The following FBN3 variants were observed in gnomAD, a reference collection of about 807,000 sequenced individuals.
The protein encoded by FBN3 is fibrillin 3.
In FBN3, 234 loss-of-function variants were observed where a neutral mutation model predicts 330.1. That is an observed-to-expected ratio of 0.71 (90% CI 0.64 to 0.79). FBN3 has a LOEUF of 0.79. Among genes scored for constraint, FBN3 ranks in the 30% least tolerant of loss-of-function variants. FBN3 has a pLI of 0.00. For synonymous variants in FBN3, 1,458 were observed against 1,517.3 expected (o/e 0.96, Z 0.91); for missense variants, 3,606 against 3,886.9 (o/e 0.93, Z 1.92).
At chr19:8,136,141 GCCAGAACCC>G in intron 12 of FBN3, 40 bp downstream of exon 12, 1 of 1,612,546 alleles carries the variant, frequency 6.2e-7, no homozygotes, top group Non-Finnish European at 8.5e-7. Flanking sequence ...CCAAGCCTGG[GCCAGAACCC>G]CCAACAACAT....
Position 8,097,320 on chromosome 19 carries a change from G to T in FBN3, c.5256C>A (p.Phe1752Leu), listed in dbSNP as rs1293378608. The change falls in exon 42 of 64, where the codon TTC becomes TTA. Residue 1752 changes from phenylalanine to leucine, a missense_variant. Phe to Leu is a conservative substitution (Grantham distance 22). Coordinates refer to ENST00000600128, the MANE Select transcript of FBN3 (RefSeq NM_032447.5). ...GSFRCECPAG[F>L]NYNSILLACE... ...AAGCCAGCAGGATGCTGTTGTAGTT[G>T]AAGCCTGCGGGGCACTCGCAGCGGA... is the stretch of plus-strand genomic sequence containing the variant. The T allele has an allele frequency of 6.2e-7, 1 of 1,609,980 alleles. No homozygotes were observed. Among genetic ancestry groups the T allele is most frequent in the Non-Finnish European group, 8.5e-7 (1 of 1,177,278 alleles).
At chr19:8,140,235 G>T (rs568386602) in intron 8 of FBN3, among the ~76,000 whole-genome samples, 2 of 152,178 alleles carry the variant, frequency 1.3e-5, no homozygotes, top group South Asian at 4.2e-4. Flanking sequence ...AGGCTGAGGC[G>T]GGTGGATCAC....
At chr19:8,107,279 A>T (rs2082462797) in intron 37 of FBN3, among the ~76,000 whole-genome samples, 1 of 123,060 alleles carries the variant, frequency 8.1e-6, no homozygotes, top group Non-Finnish European at 1.6e-5. Context: ...GGACAGAAGG[A>T]GGGGGGATGG....
chr19:8,140,450 T>A (rs574810646), intron 8 of FBN3, among the ~76,000 whole-genome samples: 1 of 151,828 alleles, frequency 6.6e-6, no homozygotes, highest in African/African-American at 2.4e-5. Flanking sequence ...GGGGACAGAG[T>A]AAGAATGTGT....
intron 59 of FBN3, among the ~76,000 whole-genome samples, chr19:8,080,499 C>T (rs1207799500): frequency 1.3e-5 from 2 of 152,174 alleles, no homozygotes; most frequent in African/African-American, 2.4e-5. Context: ...GCGAGAGGGC[C>T]TCTCTCCTCC....
rs2082561903 is a variant in FBN3, at chr19:8,110,808, T to A, written c.4333+37A>T. The A allele has an allele frequency of 2.5e-6, 4 of 1,613,366 alleles. No homozygotes were observed. The South Asian group carries it at 4.4e-5, about 18-fold the overall frequency. Reference sequence around the variant, plus strand: ...CCATGTCCCCTGCCCCAACTCCTGCTCTCTCCTCTCCCCTTCCAGCCCAGA... The same window carrying A: ...CCATGTCCCCTGCCCCAACTCCTGCACTCTCCTCTCCCCTTCCAGCCCAGA... On this transcript the variant is annotated intron_variant, in intron 34 of 63. Transcript: ENST00000600128.
At chr19:8,070,616 G>T (rs2081490125) in intron 63 of FBN3, among the ~76,000 whole-genome samples, 1 of 152,212 alleles carries the variant, frequency 6.6e-6, no homozygotes, top group Admixed American at 6.5e-5. Context: ...GTAAAGAGAA[G>T]TCCACGTGCC....
rs1277988263 is a variant in FBN3 at position 8,104,054 on chromosome 19, G to C, written c.4814-367C>G. Among the ~76,000 whole-genome samples, 4 of 151,436 alleles carry C rather than the reference G, an allele frequency of 2.6e-5. No homozygotes were observed. In the East Asian group the frequency reaches 7.8e-4, roughly 29 times the overall value. ...TTGGGAGGATCACTTGAGTCCAGGA[G>C]GTTAAGGTTGCAGTGAGCCGTGATC... On this transcript the variant is annotated intron_variant, in intron 38 of 63. Coordinates refer to ENST00000600128, the MANE Select transcript of FBN3 (RefSeq NM_032447.5).
At position 8,097,343 on chromosome 19, in the gene FBN3, G is replaced by A. The variant is rs370002484; in HGVS notation, c.5233C>T (p.Arg1745Cys). 41 of 1,610,140 alleles carry A rather than the reference G, an allele frequency of 2.5e-5. No homozygotes were observed. The highest frequency in any genetic ancestry group is 3.1e-5 in the Non-Finnish European group (36 of 1,177,604). Residue 1745 changes from arginine (R) to cysteine (C), a missense_variant, in exon 42 of 64, where the codon CGC (arginine) becomes TGC (cysteine). Physicochemically the swap from Arg to Cys is radical, Grantham distance 180. Coordinates refer to ENST00000600128, the MANE Select transcript of FBN3 (RefSeq NM_032447.5). Reference sequence around the variant, plus strand: ...TTGAAGCCTGCGGGGCACTCGCAGCGGAAACTCCCGATCTGGTTTATGCAG... The same window carrying A: ...TTGAAGCCTGCGGGGCACTCGCAGCAGAAACTCCCGATCTGGTTTATGCAG... The part of the protein sequence containing the change: ...GICINQIGSF[R>C]CECPAGFNYN...
chr19:8,140,904 G>A (rs916899936), intron 8 of FBN3, among the ~76,000 whole-genome samples: 11 of 152,068 alleles, frequency 7.2e-5, no homozygotes, highest in Admixed American at 6.6e-5. Context: ...AAAGTCTGGA[G>A]TTGGCCAGCC....
chr19:8,075,255 C>G (rs1356157579), intron 60 of FBN3, 28 bp downstream of exon 60: 1 of 1,600,256 alleles, frequency 6.2e-7, no homozygotes. Context: ...CCCCCAAACA[C>G]TAGACCCCAG....
chr19:8,111,625 C>T, intron 32 of FBN3, 23 bp downstream of exon 32: 10 of 1,200,100 alleles, frequency 8.3e-6, no homozygotes, highest in South Asian at 1.2e-5. Context: ...AGGGCCCCTG[C>T]CCTCCCACCC....
chr19:8,085,225 A>ACACACACG lies in FBN3; in HGVS notation c.7087+137_7087+138insCGTGTGTG, dbSNP rs1277299743. ...CTCATATCTGCTAGCACAAAGACAC[A>ACACACACG]CACACACACACACACACACACACAC... On this transcript the variant is annotated intron_variant, in intron 56 of 63. Coordinates refer to ENST00000600128, the MANE Select transcript of FBN3 (RefSeq NM_032447.5). 11 of 395,328 alleles carry ACACACACG rather than the reference A, an allele frequency of 2.8e-5. No homozygotes were observed. The Admixed American group carries it at 3.8e-4, about 14-fold the overall frequency. 24.5% of individuals were successfully genotyped at this position (395,328 alleles called of 1,614,324 possible).
At chr19:8,102,988 C>A (rs941438578) in intron 39 of FBN3, 115 bp from the exon 40 acceptor site, 17 of 1,140,964 alleles carry the variant, frequency 1.5e-5, no homozygotes, top group Middle Eastern at 2.2e-4. Context: ...CTGGCTTGTC[C>A]AGGCACAGTG....
intron 36 of FBN3, among the ~76,000 whole-genome samples, chr19:8,108,821 G>C (rs2082508240): frequency 6.6e-6 from 1 of 152,106 alleles, no homozygotes; most frequent in Non-Finnish European, 1.5e-5. Context: ...CCTGAGCTAT[G>C]GGTATGCCTC....
Position 8,134,510 on chromosome 19 carries a change from C to T in FBN3, c.1592-1404G>A, listed in dbSNP as rs560162813. On this transcript the variant is annotated intron_variant, in intron 13 of 63. Transcript: ENST00000600128. ...GGGACATTGCTTGAGCCCCCCAGGG[C>T]CCCTCCCTGGGGTGTGGGAGGCAAA... Among the ~76,000 whole-genome samples, 9 of 152,200 alleles carry T rather than the reference C, an allele frequency of 5.9e-5. No individual in the cohort carries two copies. In the East Asian group the frequency reaches 1.7e-3, roughly 29 times the overall value.
chr19:8,073,235 C>G lies in FBN3; in HGVS notation c.7765G>C (p.Gly2589Arg), dbSNP rs1264663781. ...CGSASCRNTLGGFRCVCPSGF... is the reference protein window; with the variant it reads ...CGSASCRNTLRGFRCVCPSGF... Reference sequence around the variant, plus strand: ...GAGGGGCAGACGCAGCGGAAGCCACCAAGAGTGTTGCGACAGGAGGCGCTC... The same window carrying G: ...GAGGGGCAGACGCAGCGGAAGCCACGAAGAGTGTTGCGACAGGAGGCGCTC... Residue 2589 changes from glycine (G) to arginine (R), a missense_variant, in exon 62 of 64, where the codon GGT (glycine) becomes CGT (arginine). Physicochemically the swap from Gly to Arg is moderately radical, Grantham distance 125. Coordinates refer to ENST00000600128, the MANE Select transcript of FBN3 (RefSeq NM_032447.5). 1.9e-6 allele frequency: 3 copies of G among 1,614,088 alleles called. No individual in the cohort carries two copies. The Admixed American group carries it at 5.0e-5, about 27-fold the overall frequency.
chr19:8,092,832 TCA>T (rs1404685739), intron 47 of FBN3, among the ~76,000 whole-genome samples: 1 of 151,770 alleles, frequency 6.6e-6, no homozygotes, highest in East Asian at 2.0e-4. Flanking sequence ...TCGTATGTTC[TCA>T]CTTATAAGTG....
At chr19:8,071,113 C>T (rs2081502651) in intron 63 of FBN3, among the ~76,000 whole-genome samples, 1 of 151,994 alleles carries the variant, frequency 6.6e-6, no homozygotes, top group Non-Finnish European at 1.5e-5. Flanking sequence ...TGGAGTGATA[C>T]CTGCATACAG....
Sources: allele counts gnomAD v4.1 joint callset (sites outside exome capture counted in the v4.1 genomes callset), GRCh38; gene constraint gnomAD v4.1.1; transcripts MANE v1.5; gene names NCBI Gene and HGNC (gene_info 2026-07-23, HGNC 2026-07-21).